Variants in CEP78 observed in about 807,000 individuals in gnomAD.
CEP78 encodes centrosomal protein 78.
A neutral mutation model predicts 81.2 loss-of-function variants in CEP78; 76 were observed. That is an observed-to-expected ratio of 0.94 (90% CI 0.78 to 1.13). CEP78 has a LOEUF of 1.13. Among genes scored for constraint, CEP78 ranks in the 50% most tolerant of loss-of-function variants. The pLI is 0.00. For synonymous variants in CEP78, 293 were observed against 301.4 expected (o/e 0.97, Z 0.29); for missense variants, 918 against 846.8 (o/e 1.08, Z -1.04).
intron 10 of CEP78, 169 bp from the exon 11 acceptor site, chr9:78,254,667 A>C: frequency 2.9e-6 from 1 of 349,402 alleles, no homozygotes; most frequent in Non-Finnish European, 5.1e-6. Flanking sequence ...ACATAGCAAG[A>C]ATAAGTTAGT....
In CEP78 at chr9:78,266,533, G is replaced by A. The variant is rs1385867393; in HGVS notation, c.1937G>A (p.Ser646Asn). Residue 646 changes from serine (S) to asparagine (N), a missense_variant, in exon 16 of 17, where the codon AGC (serine) becomes AAC (asparagine). Transcript: ENST00000643273. The part of the protein sequence containing the change: ...VSTPEGLGTS[S>N]NNLGVPATEQ... ...ACTCCAGAGGGCTTAGGAACTTCCA[G>A]CAACAACCTAGGAGTCCCAGCTACT... 3.7e-6 allele frequency: 6 copies of A among 1,613,838 alleles called. No homozygotes were observed. The East Asian group carries it at 1.1e-4, about 30-fold the overall frequency.
intron 1 of CEP78, among the ~76,000 whole-genome samples, chr9:78,236,969 C>CTTTT (rs71360676): frequency 0.04 from 2,485 of 62,072 alleles, 626 homozygotes; most frequent in Non-Finnish European, 0.05. Context: ...CAGCCTTTGT[C>CTTTT]TTTTTTTTTT....
chr9:78,241,768 A>C lies in CEP78; in HGVS notation c.572A>C (p.Gln191Pro). 3 of 1,608,236 alleles carry C rather than the reference A, an allele frequency of 1.9e-6. No individual in the cohort carries two copies. Among genetic ancestry groups the C allele is most frequent in the Non-Finnish European group, 2.6e-6 (3 of 1,174,998 alleles). ...TTCACAGGATGTAATCTGACATGGC[A>C]GGGAGCAGATCACATGGCCAAGATC... ...VNFTGCNLTWQGADHMAKILK... is the reference protein window; with the variant it reads ...VNFTGCNLTWPGADHMAKILK... Residue 191 changes from glutamine (Q) to proline (P), a missense_variant, in exon 4 of 17, where the codon CAG (glutamine) becomes CCG (proline). Transcript: ENST00000643273.
At chr9:78,243,358 G>A in intron 4 of CEP78, 104 bp from the exon 5 acceptor site, 1 of 900,790 alleles carries the variant, frequency 1.1e-6, no homozygotes, top group Non-Finnish European at 1.6e-6. Context: ...ATATGTACCT[G>A]GTGTGTGTGT....
intron 16 of CEP78, 21 bp from the exon 17 acceptor site, chr9:78,270,820 C>G (rs1827674849): frequency 2.9e-6 from 2 of 684,366 alleles, no homozygotes; most frequent in Middle Eastern, 2.9e-4. Context: ...GATGACTGAA[C>G]ACATTCTTTT....
rs945878109 is a variant in CEP78, at chr9:78,238,544, C to T, written c.254-1479C>T. On this transcript the variant is annotated intron_variant, in intron 1 of 16. Coordinates refer to ENST00000643273, the MANE Select transcript of CEP78 (RefSeq NM_001330691.3). ...AGCTGAGAGAAAGAGGGAGGGTGTGCGATCTGGGAGAGGAAATGATTATTG... is the reference window on the plus strand; with the variant it reads ...AGCTGAGAGAAAGAGGGAGGGTGTGTGATCTGGGAGAGGAAATGATTATTG... Among the ~76,000 whole-genome samples the T allele has an allele frequency of 2.6e-5, 4 of 152,074 alleles. No individual in the cohort carries two copies. The East Asian group carries it at 5.8e-4, about 22-fold the overall frequency.
In CEP78 at chr9:78,265,525, G is replaced by A. The variant is rs1214536058; in HGVS notation, c.1779G>A (p.Gly593=). The change falls in exon 14 of 17, where the codon GGG becomes GGA. Residue 593 remains glycine (G), a synonymous_variant. Coordinates refer to ENST00000643273, the MANE Select transcript of CEP78 (RefSeq NM_001330691.3). ...CAGAACCGAAGCAGAATGCCCTAGGGCAAATGCAAAATATCCAGGTAAATG... is the reference window on the plus strand; with the variant it reads ...CAGAACCGAAGCAGAATGCCCTAGGACAAATGCAAAATATCCAGGTAAATG... ...EKPEPKQNAL[G]QMQNIQVSIC... is the part of the protein sequence containing the mutation. The A allele has an allele frequency of 1.3e-6, 2 of 1,569,990 alleles. No individual in the cohort carries two copies. Among genetic ancestry groups the A allele is most frequent in the Non-Finnish European group, 8.6e-7 (1 of 1,157,282 alleles).
At chr9:78,248,416 T>C (rs1032337310) in intron 7 of CEP78, 61 bp downstream of exon 7, 2 of 1,087,276 alleles carry the variant, frequency 1.8e-6, no homozygotes, top group African/African-American at 1.6e-5. Flanking sequence ...TTCTGGGATC[T>C]CACTGTACTG....
intron 4 of CEP78, among the ~76,000 whole-genome samples, chr9:78,242,714 G>A (rs1387650819): frequency 1.3e-5 from 2 of 152,130 alleles, no homozygotes; most frequent in African/African-American, 2.4e-5. Context: ...AGAATGTAAT[G>A]AGATTTTTTT....
intron 16 of CEP78, among the ~76,000 whole-genome samples, chr9:78,267,702 T>C (rs1378287880): frequency 2.6e-5 from 4 of 152,094 alleles, no homozygotes; most frequent in Non-Finnish European, 5.9e-5. Flanking sequence ...AAAAAGCCAA[T>C]GAACACTATA....
chr9:78,249,752 C>A (rs752221495), intron 8 of CEP78: 1 of 151,654 alleles, frequency 6.6e-6, no homozygotes, highest in Non-Finnish European at 1.5e-5. Flanking sequence ...ATAAGTTAAG[C>A]CAAATCTAAT....
In CEP78 at chr9:78,243,507, C is replaced by T. The variant is rs961992753; in HGVS notation, c.649C>T (p.Arg217Cys). The T allele has an allele frequency of 6.2e-6, 10 of 1,613,672 alleles. No individual in the cohort carries two copies. Among genetic ancestry groups the T allele is most frequent in the Non-Finnish European group, 7.6e-6 (9 of 1,179,754 alleles). The change falls in exon 5 of 17, where the codon CGC becomes TGC. Residue 217 changes from arginine to cysteine, a missense_variant. Physicochemically the swap from Arg to Cys is radical, Grantham distance 180. Transcript: ENST00000643273. ...TGAAGAAACCTGGGCTGAGAGTCTT[C>T]GCTATAGGAGACCTGATCTTGACTG... Reference protein sequence around the residue: ...RHEETWAESLRYRRPDLDCMA... With the variant: ...RHEETWAESLCYRRPDLDCMA...
chr9:78,245,637 T>TAAAAAAAG (rs1299539784), intron 5 of CEP78, among the ~76,000 whole-genome samples: 2 of 152,236 alleles, frequency 1.3e-5, no homozygotes, highest in African/African-American at 4.8e-5. Flanking sequence ...AATCTTTTTT[T>TAAAAAAAG]ATGCCTGTAC....
At chr9:78,266,949 C>G (rs1457458316) in intron 16 of CEP78, 1 of 1,418,160 alleles carries the variant, frequency 7.1e-7, no homozygotes, top group Admixed American at 3.0e-5. Flanking sequence ...AAGTGATACT[C>G]TTGGATGTGA....
chr9:78,256,482 A>G (rs1827032459), intron 11 of CEP78, among the ~76,000 whole-genome samples: 1 of 151,822 alleles, frequency 6.6e-6, no homozygotes, highest in Non-Finnish European at 1.5e-5. Flanking sequence ...TTCATGCATA[A>G]CAGAAGCTAG....
chr9:78,253,294 T>A lies in CEP78; in HGVS notation c.1251+17T>A. 1 of 1,174,598 alleles carries A rather than the reference T, an allele frequency of 8.5e-7. No individual in the cohort carries two copies. The highest frequency in any genetic ancestry group is 1.3e-6 in the Non-Finnish European group (1 of 793,796). 72.8% of individuals were successfully genotyped at this position (1,174,598 alleles called of 1,614,324 possible). ...CAGTTGCAGGTACGTAGTTACCATG[T>A]TTATAATATGTAGGGGATTGGAATG... On this transcript the variant is annotated intron_variant, in intron 10 of 16. Coordinates refer to ENST00000643273, the MANE Select transcript of CEP78 (RefSeq NM_001330691.3).
In CEP78 at chr9:78,275,472, G is replaced by A. The variant is rs544017682; in HGVS notation, c.*4621G>A. Reference sequence around the variant, plus strand: ...ATACAAAAATTAGCCGGGCTTGGTGGCGGGCACTTGTAATCCCAACTACTC... The same window carrying A: ...ATACAAAAATTAGCCGGGCTTGGTGACGGGCACTTGTAATCCCAACTACTC... On this transcript the variant is annotated 3_prime_UTR_variant, in exon 17 of 17. Coordinates refer to ENST00000643273, the MANE Select transcript of CEP78 (RefSeq NM_001330691.3). The A allele has an allele frequency of 2.6e-5, 4 of 152,290 alleles. No homozygotes were observed. The South Asian group carries it at 8.3e-4, about 32-fold the overall frequency. The allele number at this position is 152,290 out of a possible 1,614,324, so 9.4% of individuals were successfully genotyped here.
intron 11 of CEP78, among the ~76,000 whole-genome samples, chr9:78,260,855 T>C (rs940586391): frequency 8.5e-5 from 13 of 152,118 alleles, no homozygotes; most frequent in Non-Finnish European, 1.5e-4. Context: ...CCCAAATCCA[T>C]GCAGGCATGC....
In CEP78 at chr9:78,248,716, TA is replaced by T. The variant is rs756141563; in HGVS notation, c.958-43del. The T allele has an allele frequency of 7.9e-6, 8 of 1,013,350 alleles. No homozygotes were observed. The African/African-American group carries it at 1.3e-4, about 17-fold the overall frequency. The allele number at this position is 1,013,350 out of a possible 1,614,324, so 62.8% of individuals were successfully genotyped here. ...ATTTCCATTTAAGATGTAGCCCTCA[TA>T]AATGATCTGTAACTGAAATATAGTG... On this transcript the variant is annotated intron_variant, in intron 7 of 16. Transcript: ENST00000643273.
Sources: allele counts gnomAD v4.1 joint callset (sites outside exome capture counted in the v4.1 genomes callset), GRCh38; gene constraint gnomAD v4.1.1; transcripts MANE v1.5; gene names NCBI Gene and HGNC (gene_info 2026-07-23, HGNC 2026-07-21).